OLFM2: variants seen among roughly 807,000 people sequenced by gnomAD.
OLFM2 encodes olfactomedin 2.
A neutral mutation model predicts 43.9 loss-of-function variants in OLFM2; 20 were observed. The ratio of observed to expected loss-of-function variants is 0.46; its 90% CI spans 0.32 to 0.66. OLFM2 has a LOEUF of 0.66. Ranked by LOEUF, OLFM2 falls within the 30% of genes least tolerant of loss-of-function variation. The pLI is 0.04. For missense variants in OLFM2, 416 were observed against 643.6 expected (o/e 0.65, Z 3.83); for synonymous variants, 268 against 278.6 (o/e 0.96, Z 0.38).
chr19:9,906,481 A>G (rs905662191), intron 1 of OLFM2, among the ~76,000 whole-genome samples: 2 of 152,132 alleles, frequency 1.3e-5, no homozygotes, highest in African/African-American at 4.8e-5. Flanking sequence ...AGCGCGCCCA[A>G]GAGCTGCTCA....
intron 1 of OLFM2, among the ~76,000 whole-genome samples, chr19:9,889,065 CAA>C (rs35972487): frequency 8.3e-6 from 1 of 121,126 alleles, no homozygotes; most frequent in Non-Finnish European, 1.7e-5. Flanking sequence ...GACTCCGTCT[CAA>C]AAAAAAAAAA....
intron 1 of OLFM2, among the ~76,000 whole-genome samples, chr19:9,921,605 C>T (rs967145943): frequency 1.4e-4 from 22 of 151,910 alleles, no homozygotes; most frequent in African/African-American, 5.1e-4. Flanking sequence ...TCTCCTGCCT[C>T]GGCCTCCCAA....
chr19:9,869,456 CCTCT>C (rs2046426772), intron 1 of OLFM2, among the ~76,000 whole-genome samples: 1 of 152,076 alleles, frequency 6.6e-6, no homozygotes, highest in African/African-American at 2.4e-5. Context: ...AGTGGCTTAA[CCTCT>C]CTGTGTCTTT....
At chr19:9,868,597 A>C (rs2046420134) in intron 1 of OLFM2, among the ~76,000 whole-genome samples, 1 of 152,128 alleles carries the variant, frequency 6.6e-6, no homozygotes, top group African/African-American at 2.4e-5. Context: ...ACCATCTTTA[A>C]ATTTATCTTA....
intron 1 of OLFM2, among the ~76,000 whole-genome samples, chr19:9,924,103 CAAA>C (rs1047796253): frequency 3.4e-3 from 71 of 20,708 alleles, no homozygotes; most frequent in African/African-American, 7.5e-3. Flanking sequence ...CTCGTCTCTA[CAAA>C]AAAAAAAAAA....
intron 1 of OLFM2, among the ~76,000 whole-genome samples, chr19:9,925,700 C>T (rs1035106483): frequency 3.3e-5 from 5 of 151,898 alleles, no homozygotes; most frequent in African/African-American, 1.2e-4. Flanking sequence ...CTCCCAATTG[C>T]TGGGATTACA....
At chr19:9,911,089 T>C (rs1391707311) in intron 1 of OLFM2, among the ~76,000 whole-genome samples, 1 of 152,118 alleles carries the variant, frequency 6.6e-6, no homozygotes, top group Non-Finnish European at 1.5e-5. Flanking sequence ...CGTGGAAGGA[T>C]GGGAATTTGA....
intron 1 of OLFM2, among the ~76,000 whole-genome samples, chr19:9,928,816 A>G (rs180903900): frequency 4.1e-4 from 62 of 150,532 alleles, no homozygotes; most frequent in African/African-American, 9.4e-4. Context: ...AAAAAAAAAA[A>G]AGAGAGAAAG....
At chr19:9,875,108 G>A (rs1175190559) in intron 1 of OLFM2, among the ~76,000 whole-genome samples, 2 of 152,190 alleles carry the variant, frequency 1.3e-5, no homozygotes, top group South Asian at 2.1e-4. Context: ...AAGAGTTCAC[G>A]GCGAAATAAA....
intron 1 of OLFM2, among the ~76,000 whole-genome samples, chr19:9,909,045 G>A (rs564753740): frequency 3.3e-5 from 5 of 151,876 alleles, no homozygotes; most frequent in East Asian, 1.9e-4. Flanking sequence ...TTGCTATGTC[G>A]CCCAGGCTGG....
intron 1 of OLFM2, among the ~76,000 whole-genome samples, chr19:9,896,798 A>C (rs1334248604): frequency 6.6e-6 from 1 of 152,180 alleles, no homozygotes; most frequent in East Asian, 1.9e-4. Flanking sequence ...ATTTGCAACT[A>C]CATAATCATC....
rs1399278444 is a variant in OLFM2 at position 9,924,930 on chromosome 19, G to GAT, written c.63+11372_63+11373dup. ...TGCGTGTATATATATAGATATGATT[G>GAT]ATATATATATATGATATTCTAAAAC... On this transcript the variant is annotated intron_variant, in intron 1 of 5. Transcript: ENST00000264833. 5.2e-4 allele frequency among the ~76,000 whole-genome samples: 78 copies of GAT among 151,314 alleles called. 1 individual carries two copies. Among genetic ancestry groups the GAT allele is most frequent in the South Asian group, 1.7e-3 (8 of 4,786 alleles).
intron 1 of OLFM2, among the ~76,000 whole-genome samples, chr19:9,882,331 G>A (rs1158427438): frequency 2.0e-5 from 3 of 151,380 alleles, no homozygotes; most frequent in Non-Finnish European, 4.4e-5. Flanking sequence ...GAGGTCAGGA[G>A]ATCGAGACCA....
intron 1 of OLFM2, among the ~76,000 whole-genome samples, chr19:9,918,424 T>C (rs952234315): frequency 5.9e-5 from 9 of 152,184 alleles, no homozygotes; most frequent in African/African-American, 2.2e-4. Flanking sequence ...ACTCTTGGGC[T>C]CAGGCAATCC....
At chr19:9,872,399 CAGCT>C (rs1336717172) in intron 1 of OLFM2, among the ~76,000 whole-genome samples, 1 of 152,058 alleles carries the variant, frequency 6.6e-6, no homozygotes, top group East Asian at 1.9e-4. Context: ...CCTGTGGTCC[CAGCT>C]ACTCAGAAGG....
At chr19:9,934,594 A>AT (rs138980852) in intron 1 of OLFM2, among the ~76,000 whole-genome samples, 2,976 of 151,838 alleles carry the variant, frequency 0.02, 70 homozygotes, top group Middle Eastern at 0.082. Flanking sequence ...TTCCTGGCTC[A>AT]TTTTTTTTCC....
At chr19:9,881,616 C>T (rs921221945) in intron 1 of OLFM2, among the ~76,000 whole-genome samples, 9 of 152,174 alleles carry the variant, frequency 5.9e-5, no homozygotes, top group East Asian at 1.9e-4. Context: ...CTCAGCCTCC[C>T]GAGTAGCTGG....
intron 1 of OLFM2, among the ~76,000 whole-genome samples, chr19:9,867,463 G>C (rs1210755539): frequency 6.6e-6 from 1 of 152,214 alleles, no homozygotes; most frequent in Non-Finnish European, 1.5e-5. Context: ...GACAGGAGAA[G>C]CATTGGCTAT....
chr19:9,936,505 G>C lies in OLFM2; in HGVS notation c.-139C>G. ...CCTCCCCCGCCTCGCCGGCGGCCGG[G>C]ATTCCGCCCCACCCCCGCCCCCTCG... On this transcript the variant is annotated 5_prime_UTR_variant, in exon 1 of 6. In the 5' UTR this introduces an upstream ATG that the reference lacks. Transcript: ENST00000264833. 2.1e-6 allele frequency: 1 copy of C among 482,046 alleles called. No individual in the cohort carries two copies. The highest frequency in any genetic ancestry group is 8.6e-5 in the South Asian group (1 of 11,684). The allele number at this position is 482,046 out of a possible 1,614,324, so 29.9% of individuals were successfully genotyped here.
Sources: gnomAD v4.1 joint callset for allele counts (sites outside exome capture counted in the v4.1 genomes callset) on GRCh38, gnomAD v4.1.1 for gene constraint, MANE v1.5 for transcripts, NCBI Gene and HGNC (gene_info 2026-07-23, HGNC 2026-07-21) for gene names.